SMCO4: variants seen among roughly 807,000 people sequenced by gnomAD.
SMCO4 encodes the protein single-pass membrane protein with coiled-coil domains 4.
Under a neutral mutation model 3.6 loss-of-function variants are expected in SMCO4, and 4 were observed. That is an observed-to-expected ratio of 1.11 (90% CI 0.54 to 2.53). The LOEUF (loss-of-function observed/expected upper bound fraction) is 2.53, where lower values mean the gene tolerates loss of function less well. SMCO4 is among the 30% of genes most tolerant of loss of function. The pLI, the probability that SMCO4 is intolerant of heterozygous loss-of-function variation, is 0.02. For missense variants in SMCO4, 70 were observed against 80.8 expected, an observed-to-expected ratio of 0.87 and a Z score of 0.51; for synonymous variants, 36 against 35.3, an observed-to-expected ratio of 1.02 and a Z score of -0.07.
intron 2 of SMCO4, among the ~76,000 whole-genome samples, chr11:93,484,043 C>T (rs564205465): frequency 6.6e-6 from 1 of 152,308 alleles, no homozygotes; most frequent in African/African-American, 2.4e-5. Context: ...TCTAGCTTCC[C>T]TAACCAGGGA....
chr11:93,553,016 G>A, the SMCO4 span, among the ~76,000 whole-genome samples: 3 of 152,126 alleles, frequency 2.0e-5, no homozygotes, highest in Non-Finnish European at 4.4e-5. Context: ...TCAAAGGCCT[G>A]GCCACAGATG....
intron 1 of SMCO4, among the ~76,000 whole-genome samples, chr11:93,530,533 G>C (rs930454512): frequency 9.2e-5 from 14 of 152,114 alleles, no homozygotes; most frequent in Admixed American, 9.2e-4. Context: ...CAATGAGCTG[G>C]CCCACACTAC....
At chr11:93,544,218 G>A (rs1468393723), upstream of SMCO4, among the ~76,000 whole-genome samples, 13 of 152,212 alleles carry the variant, frequency 8.5e-5, no homozygotes, top group Admixed American at 7.2e-4. Context: ...TCTTTACGCA[G>A]CCCCGATGTG....
chr11:93,534,127 G>A (rs538297740), intron 1 of SMCO4, among the ~76,000 whole-genome samples: 10 of 150,344 alleles, frequency 6.7e-5, no homozygotes, highest in African/African-American at 2.4e-4. Flanking sequence ...GGAGGCAGAG[G>A]TTGAAATGAG....
chr11:93,499,424 C>T (rs1948812596), intron 1 of SMCO4, 76 bp from the exon 2 acceptor site: 1 of 152,116 alleles, frequency 6.6e-6, no homozygotes, highest in South Asian at 2.1e-4. Flanking sequence ...TTTGGAACCC[C>T]CTCAGCCCAT....
chr11:93,514,374 CTATATATA>C lies in SMCO4; in HGVS notation c.-153-15034_-153-15027del, dbSNP rs148462986. Reference sequence around the variant, plus strand: ...AAAGGAAAAATAAAACAGGATGAGGCTATATATATATATATATATATATATATATATAT... The same window carrying C: ...AAAGGAAAAATAAAACAGGATGAGGCTATATATATATATATATATATATAT... On this transcript the variant is annotated intron_variant, in intron 1 of 2. Transcript: ENST00000298966. Among the ~76,000 whole-genome samples the C allele has an allele frequency of 5.7e-3, 221 of 39,006 alleles. 3 individuals carry two copies. The highest frequency in any genetic ancestry group is 0.022 in the Admixed American group (71 of 3,288). The allele number at this position is 39,006 out of a possible 152,430, so 25.6% of individuals were successfully genotyped here. A position where few individuals can be genotyped will look rare whatever the true frequency, so the allele number is the denominator to read the frequency against.
upstream of SMCO4, among the ~76,000 whole-genome samples, chr11:93,543,891 C>A (rs1949294589): frequency 6.6e-6 from 1 of 152,212 alleles, no homozygotes; most frequent in South Asian, 2.1e-4. Flanking sequence ...GCTTTGAAAC[C>A]TCAAGCGGAC....
At position 93,516,113 on chromosome 11, in the gene SMCO4, A is replaced by G. The variant is rs59255113; in HGVS notation, c.-153-16765T>C. Among the ~76,000 whole-genome samples, 369 of 152,316 alleles carry G rather than the reference A, an allele frequency of 2.4e-3. 1 individual carries two copies. Among genetic ancestry groups the G allele is most frequent in the African/African-American group, 8.6e-3 (358 of 41,570 alleles). Reference sequence around the variant, plus strand: ...TGAGGCATTCCGGTTCTCATAATAAATTATCCCTTTTACTAAAAAAGATTT... The same window carrying G: ...TGAGGCATTCCGGTTCTCATAATAAGTTATCCCTTTTACTAAAAAAGATTT... On this transcript the variant is annotated intron_variant, in intron 1 of 2. Coordinates refer to ENST00000298966, the MANE Select transcript of SMCO4 (RefSeq NM_020179.3).
intron 2 of SMCO4, among the ~76,000 whole-genome samples, chr11:93,480,928 T>C (rs1948585099): frequency 1.3e-5 from 2 of 152,200 alleles, no homozygotes; most frequent in African/African-American, 2.4e-5. Context: ...ACAAATATTA[T>C]TGTGCTAGGA....
the SMCO4 span, among the ~76,000 whole-genome samples, chr11:93,550,104 TA>T: frequency 6.6e-5 from 10 of 152,158 alleles, no homozygotes; most frequent in Non-Finnish European, 2.9e-5. Context: ...AGTCTCTAGC[TA>T]AAGAATGGGA....
intron 1 of SMCO4, among the ~76,000 whole-genome samples, chr11:93,533,826 C>A (rs1949186827): frequency 6.6e-6 from 1 of 152,184 alleles, no homozygotes; most frequent in Non-Finnish European, 1.5e-5. Flanking sequence ...CTGACCTCTT[C>A]TCTTTAATGT....
intron 1 of SMCO4, among the ~76,000 whole-genome samples, chr11:93,511,875 A>G (rs12577256): frequency 0.1 from 15,673 of 152,286 alleles, 1,093 homozygotes; most frequent in East Asian, 0.26. Flanking sequence ...ACTGCACGGT[A>G]GGAGGAGATG....
At chr11:93,509,243 A>G (rs938927403) in intron 1 of SMCO4, among the ~76,000 whole-genome samples, 1 of 151,806 alleles carries the variant, frequency 6.6e-6, no homozygotes, top group African/African-American at 2.4e-5. Context: ...GTGAGCTATG[A>G]TTGCACTGCT....
chr11:93,519,499 C>T (rs144474457), intron 1 of SMCO4, among the ~76,000 whole-genome samples: 6 of 152,336 alleles, frequency 3.9e-5, no homozygotes, highest in Non-Finnish European at 8.8e-5. Flanking sequence ...TCCAAGAGAA[C>T]AAGATAAACC....
intron 1 of SMCO4, among the ~76,000 whole-genome samples, chr11:93,533,428 A>G (rs11020405): frequency 0.52 from 79,357 of 152,044 alleles, 21,141 homozygotes; most frequent in South Asian, 0.59. Context: ...TATAAGCAAC[A>G]CATGGCAGTG....
intron 2 of SMCO4, among the ~76,000 whole-genome samples, chr11:93,498,850 G>C (rs528494315): frequency 6.6e-6 from 1 of 152,124 alleles, no homozygotes; most frequent in Non-Finnish European, 1.5e-5. Flanking sequence ...ATGGAATACC[G>C]ACTGTGTCCC....
At chr11:93,531,218 G>A (rs1161000007) in intron 1 of SMCO4, among the ~76,000 whole-genome samples, 1 of 152,206 alleles carries the variant, frequency 6.6e-6, no homozygotes, top group Non-Finnish European at 1.5e-5. Flanking sequence ...CTGAGTAAGA[G>A]GGAATTCCTC....
rs998501661 is a variant in SMCO4 at position 93,480,342 on chromosome 11, C to T, written c.-80-1073G>A. On this transcript the variant is annotated intron_variant, in intron 2 of 2. Coordinates refer to ENST00000298966, the MANE Select transcript of SMCO4 (RefSeq NM_020179.3). Reference sequence around the variant, plus strand: ...ACATGGGCACTGGAGCAGGAGGTGCCGAGCCACCATGACCACCCCCAAAAA... The same window carrying T: ...ACATGGGCACTGGAGCAGGAGGTGCTGAGCCACCATGACCACCCCCAAAAA... Among the ~76,000 whole-genome samples, 5 of 152,076 alleles carry T rather than the reference C, an allele frequency of 3.3e-5. No individual in the cohort carries two copies. The South Asian group carries it at 6.2e-4, about 19-fold the overall frequency.
Position 93,479,212 on chromosome 11 carries a change from G to T in SMCO4, c.-23C>A. Reference sequence around the variant, plus strand: ...CATCTTTCCTAGAGGATGCTAGGAGGGTGTGTCCAGAGGGATTCCAGGAAG... The same window carrying T: ...CATCTTTCCTAGAGGATGCTAGGAGTGTGTGTCCAGAGGGATTCCAGGAAG... On this transcript the variant is annotated 5_prime_UTR_variant, in exon 3 of 3. Transcript: ENST00000298966. The T allele has an allele frequency of 1.2e-6, 2 of 1,609,698 alleles. No homozygotes were observed. The highest frequency in any genetic ancestry group is 8.5e-7 in the Non-Finnish European group (1 of 1,177,660).
Sources: gnomAD v4.1 joint callset for allele counts (sites outside exome capture counted in the v4.1 genomes callset) on GRCh38, gnomAD v4.1.1 for gene constraint, MANE v1.5 for transcripts, NCBI Gene and HGNC (gene_info 2026-07-23, HGNC 2026-07-21) for gene names.